The following TNFRSF8 variants were observed in gnomAD, a reference collection of about 807,000 sequenced individuals.
TNFRSF8 encodes tumor necrosis factor receptor superfamily member 8.
TNFRSF8 carries 26 observed loss-of-function variants against 70.8 expected under a neutral mutation model. That is an observed-to-expected ratio of 0.37 (90% CI 0.27 to 0.51). The LOEUF is 0.51. Among genes scored for constraint, TNFRSF8 ranks in the 20% least tolerant of loss-of-function variants. TNFRSF8 has a pLI of 0.94. For missense variants in TNFRSF8, 720 were observed against 807.9 expected, an observed-to-expected ratio of 0.89 and a Z score of 1.32; for synonymous variants, 356 against 339.2, an observed-to-expected ratio of 1.05 and a Z score of -0.54.
chr1:12,140,447 C>T (rs1015417646), intron 14 of TNFRSF8, among the ~76,000 whole-genome samples: 26 of 152,192 alleles, frequency 1.7e-4, no homozygotes, highest in African/African-American at 6.3e-4. Context: ...CTCACCTGCC[C>T]TCCCCACATA....
rs966220338 is a variant in TNFRSF8 at position 12,126,138 on chromosome 1, T to C, written c.1256-45T>C. The C allele has an allele frequency of 1.9e-6, 3 of 1,613,880 alleles. No homozygotes were observed. In the Admixed American group the frequency reaches 5.0e-5, roughly 27 times the overall value. ...GGGTTCTTTCCCTGCCTGCTCCTGC[T>C]CTCTGAGGCCGCCACCCCCAGCCTT... On this transcript the variant is annotated intron_variant, in intron 11 of 14. Transcript: ENST00000263932.
chr1:12,067,745 A>G (rs890775260), intron 1 of TNFRSF8, among the ~76,000 whole-genome samples: 21 of 152,246 alleles, frequency 1.4e-4, no homozygotes, highest in African/African-American at 4.6e-4. Context: ...TAGCAATTTA[A>G]CTTTAAAAGC....
At chr1:12,123,529 A>G (rs1020881631) in intron 9 of TNFRSF8, 152 bp downstream of exon 9, 5 of 943,338 alleles carry the variant, frequency 5.3e-6, no homozygotes, top group African/African-American at 1.7e-5. Flanking sequence ...CTTTGCTGAC[A>G]CCATTGGAAA....
At chr1:12,078,879 C>A (rs866059740) in intron 1 of TNFRSF8, among the ~76,000 whole-genome samples, 5 of 152,258 alleles carry the variant, frequency 3.3e-5, no homozygotes, top group South Asian at 2.1e-4. Context: ...ATCTCAAACT[C>A]CCTGGGGCTC....
chr1:12,093,293 GATGT>G (rs1356340398), intron 2 of TNFRSF8, among the ~76,000 whole-genome samples: 1 of 152,078 alleles, frequency 6.6e-6, no homozygotes, highest in Non-Finnish European at 1.5e-5. Flanking sequence ...CAACATTCAG[GATGT>G]ATGAGGGGTG....
chr1:12,093,749 C>T (rs1240742862), intron 2 of TNFRSF8, among the ~76,000 whole-genome samples: 3 of 152,136 alleles, frequency 2.0e-5, no homozygotes, highest in Non-Finnish European at 4.4e-5. Flanking sequence ...CCATGTTGGT[C>T]AGGCTGGTCT....
At chr1:12,084,054 C>A (rs1641110327) in intron 1 of TNFRSF8, among the ~76,000 whole-genome samples, 1 of 152,126 alleles carries the variant, frequency 6.6e-6, no homozygotes, top group Non-Finnish European at 1.5e-5. Context: ...GATCTGTGCA[C>A]TTTTTTGTAC....
chr1:12,100,526 C>T (rs139457121), intron 3 of TNFRSF8, among the ~76,000 whole-genome samples: 19 of 152,268 alleles, frequency 1.2e-4, no homozygotes, highest in African/African-American at 4.1e-4. Flanking sequence ...TTATTCATTA[C>T]ACTTTTTTCT....
In TNFRSF8 at chr1:12,123,786, C is replaced by T; in HGVS notation, c.1112C>T (p.Pro371Leu). 6.3e-7 allele frequency: 1 copy of T among 1,577,054 alleles called. No homozygotes were observed. Among genetic ancestry groups the T allele is most frequent in the Non-Finnish European group, 8.6e-7 (1 of 1,160,830 alleles). ...ACGCTGCCCATCCCAACCAGCGCTC[C>T]CGTCGCTCTCTCCTCCACGGGGAAG... ...SKTLPIPTSA[P>L]VALSSTGKPV... Residue 371 changes from proline (P) to leucine (L), a missense_variant, in exon 10 of 15, where the codon CCC (proline) becomes CTC (leucine). Physicochemically the swap from Pro to Leu is moderately conservative, Grantham distance 98. Coordinates refer to ENST00000263932, the MANE Select transcript of TNFRSF8 (RefSeq NM_001243.5).
intron 1 of TNFRSF8, among the ~76,000 whole-genome samples, chr1:12,080,840 G>A (rs557108653): frequency 1.3e-5 from 2 of 152,190 alleles, no homozygotes; most frequent in Non-Finnish European, 2.9e-5. Context: ...GACTACAGGC[G>A]TGAGCCACCG....
chr1:12,121,781 T>C (rs1455637313), intron 8 of TNFRSF8, among the ~76,000 whole-genome samples: 1 of 152,190 alleles, frequency 6.6e-6, no homozygotes, highest in African/African-American at 2.4e-5. Context: ...CGCACAAGAA[T>C]ACTCACAGCT....
intron 1 of TNFRSF8, among the ~76,000 whole-genome samples, chr1:12,078,815 C>T (rs1475788946): frequency 1.3e-5 from 2 of 152,232 alleles, no homozygotes; most frequent in Non-Finnish European, 2.9e-5. Context: ...CTATGGAAAG[C>T]AAACCGTTCC....
At chr1:12,133,433 C>G (rs188848292) in intron 12 of TNFRSF8, among the ~76,000 whole-genome samples, 1 of 152,010 alleles carries the variant, frequency 6.6e-6, no homozygotes, top group Non-Finnish European at 1.5e-5. Context: ...TTTAGTTTCA[C>G]TGACGTCATT....
intron 12 of TNFRSF8, among the ~76,000 whole-genome samples, chr1:12,126,642 T>G (rs1486723367): frequency 1.3e-5 from 2 of 152,128 alleles, no homozygotes; most frequent in Admixed American, 6.5e-5. Context: ...TCTCTCCCCC[T>G]CTTCTACCAC....
intron 1 of TNFRSF8, among the ~76,000 whole-genome samples, chr1:12,066,541 T>C (rs1002417650): frequency 6.6e-6 from 1 of 152,008 alleles, no homozygotes; most frequent in African/African-American, 2.4e-5. Context: ...TTAGTAGAGA[T>C]GGGGTTTCAT....
At chr1:12,131,314 G>A (rs1261706964) in intron 12 of TNFRSF8, among the ~76,000 whole-genome samples, 5 of 152,038 alleles carry the variant, frequency 3.3e-5, no homozygotes, top group African/African-American at 1.2e-4. Context: ...GCCAGGCATG[G>A]TGGCACACAC....
Position 12,108,920 on chromosome 1 carries a change from C to T in TNFRSF8, c.422-646C>T, listed in dbSNP as rs754497633. Among the ~76,000 whole-genome samples, 7 of 152,188 alleles carry T rather than the reference C, an allele frequency of 4.6e-5. No individual in the cohort carries two copies. The highest frequency in any genetic ancestry group is 7.3e-5 in the Non-Finnish European group (5 of 68,038). ...GACGATGTGTGTGTTTTCTTCTCCA[C>T]TCTGCTTCTGTCCAGCATTCTTCAG... On this transcript the variant is annotated intron_variant, in intron 4 of 14. Transcript: ENST00000263932. The surrounding 1 kb of genome is among the most constrained non-coding windows in gnomAD (Gnocchi z 4.0).
intron 8 of TNFRSF8, 27 bp downstream of exon 8, chr1:12,115,756 A>G (rs753474537): frequency 5.0e-6 from 8 of 1,609,772 alleles, no homozygotes; most frequent in African/African-American, 1.3e-5. Flanking sequence ...CCAGGCCTCG[A>G]CCACAGGGTG....
chr1:12,090,674 A>G (rs1194847679), intron 2 of TNFRSF8, among the ~76,000 whole-genome samples: 1 of 151,754 alleles, frequency 6.6e-6, no homozygotes, highest in Admixed American at 6.6e-5. Context: ...GCATTCTATC[A>G]GACCCTAGAG....
Sources: allele counts gnomAD v4.1 joint callset (sites outside exome capture counted in the v4.1 genomes callset), GRCh38; gene constraint gnomAD v4.1.1; non-coding constraint Gnocchi (gnomAD v3.1); transcripts MANE v1.5; gene names NCBI Gene and HGNC (gene_info 2026-07-23, HGNC 2026-07-21).